The following UBE2D3 variants were observed in gnomAD, a reference collection of about 807,000 sequenced individuals.
The protein encoded by UBE2D3 is ubiquitin-conjugating enzyme E2 D3.
UBE2D3 carries 2 observed loss-of-function variants against 22.8 expected under a neutral mutation model. The observed-to-expected ratio is 0.09, with a 90% CI of 0.04 to 0.28. The LOEUF is 0.28. Among genes scored for constraint, UBE2D3 ranks in the 10% least tolerant of loss-of-function variants. The probability of loss-of-function intolerance (pLI) is 1.00; values close to 1 mark genes in which losing one functional copy is unlikely to be tolerated. For missense variants in UBE2D3, 27 were observed against 182.5 expected, an observed-to-expected ratio of 0.15 and a Z score of 4.91; for synonymous variants, 56 against 60.4, an observed-to-expected ratio of 0.93 and a Z score of 0.34.
intron 1 of UBE2D3, among the ~76,000 whole-genome samples, chr4:102,849,178 G>T (rs995752923): frequency 1.3e-5 from 2 of 150,934 alleles, no homozygotes; most frequent in Non-Finnish European, 3.0e-5. Flanking sequence ...GACTAGCCGG[G>T]ACAACATGGC....
intron 2 of UBE2D3, among the ~76,000 whole-genome samples, chr4:102,822,413 G>C (rs553519281): frequency 6.6e-6 from 1 of 152,270 alleles, no homozygotes; most frequent in Admixed American, 6.5e-5. Flanking sequence ...TTCACTCTAA[G>C]ACATCCTAAG....
chr4:102,854,267 T>C (rs1259768150), intron 1 of UBE2D3, among the ~76,000 whole-genome samples: 1 of 152,188 alleles, frequency 6.6e-6, no homozygotes, highest in East Asian at 1.9e-4. Context: ...GACAAATGTG[T>C]ATATTTTTTA....
At chr4:102,860,037 C>T (rs1230534427) in intron 1 of UBE2D3, among the ~76,000 whole-genome samples, 9 of 152,010 alleles carry the variant, frequency 5.9e-5, no homozygotes, top group East Asian at 1.9e-4. Flanking sequence ...TTAGTAGAGA[C>T]GGCGTTTCAC....
chr4:102,826,707 A>C, intron 1 of UBE2D3, 71 bp from the exon 2 acceptor site: 3 of 1,444,588 alleles, frequency 2.1e-6, no homozygotes, highest in South Asian at 1.5e-5. Context: ...CAGGTCCCTT[A>C]AGACAGCCGC....
intron 2 of UBE2D3, among the ~76,000 whole-genome samples, chr4:102,814,705 A>T (rs2110296900): frequency 6.6e-6 from 1 of 152,192 alleles, no homozygotes; most frequent in Admixed American, 6.6e-5. Flanking sequence ...ACTGGTACTT[A>T]ACAAGCAGAC....
intron 2 of UBE2D3, among the ~76,000 whole-genome samples, chr4:102,824,078 C>T (rs1047266084): frequency 6.6e-6 from 1 of 152,150 alleles, no homozygotes; most frequent in African/African-American, 2.4e-5. Context: ...TGAAAGTTGC[C>T]TCATGTGATT....
At chr4:102,809,336 T>G (rs223418) in intron 4 of UBE2D3, 150,749 of 277,942 alleles carry the variant, frequency 0.54, 42,805 homozygotes, top group African/African-American at 0.78. Flanking sequence ...ACGCATGGCA[T>G]ATCAGAGCCA....
intron 1 of UBE2D3, among the ~76,000 whole-genome samples, chr4:102,856,469 T>C (rs960371865): frequency 1.3e-5 from 2 of 152,254 alleles, no homozygotes; most frequent in African/African-American, 4.8e-5. Flanking sequence ...TTAATATTTT[T>C]GTGCAGTTAA....
At chr4:102,838,797 CTG>C (rs1283823280) in intron 1 of UBE2D3, among the ~76,000 whole-genome samples, 1 of 76,742 alleles carries the variant, frequency 1.3e-5, no homozygotes, top group Non-Finnish European at 2.5e-5. Context: ...CTAAACAAAA[CTG>C]TGCTGGGCAA....
chr4:102,859,227 T>G (rs553412153), intron 1 of UBE2D3, among the ~76,000 whole-genome samples: 7 of 152,006 alleles, frequency 4.6e-5, no homozygotes, highest in African/African-American at 1.4e-4. Context: ...ATTTTGAGTA[T>G]ATCATCCCAT....
chr4:102,825,575 A>C, intron 2 of UBE2D3: 1 of 1,200,664 alleles, frequency 8.3e-7, no homozygotes, highest in East Asian at 6.0e-5. Flanking sequence ...AATGAGACTA[A>C]ACCACCGGAG....
chr4:102,809,533 C>T, intron 4 of UBE2D3, 139 bp downstream of exon 4: 1 of 907,744 alleles, frequency 1.1e-6, no homozygotes, highest in Non-Finnish European at 1.7e-6. Context: ...TTTTTTCTTT[C>T]AAATGCAGTA....
At chr4:102,859,574 G>T (rs981334067) in intron 1 of UBE2D3, among the ~76,000 whole-genome samples, 1 of 151,876 alleles carries the variant, frequency 6.6e-6, no homozygotes, top group Non-Finnish European at 1.5e-5. Context: ...TTCCTCCCCA[G>T]ATTTGGGCAG....
At chr4:102,819,286 C>T (rs906529015) in intron 2 of UBE2D3, among the ~76,000 whole-genome samples, 22 of 150,278 alleles carry the variant, frequency 1.5e-4, no homozygotes, top group African/African-American at 5.2e-4. Context: ...GCCGCAGTTG[C>T]GCCACTGCAC....
intron 2 of UBE2D3, chr4:102,812,643 C>G (rs1186186306): frequency 6.6e-6 from 1 of 152,184 alleles, no homozygotes; most frequent in Non-Finnish European, 1.5e-5. Flanking sequence ...TGTAACTGTG[C>G]TTTAAATATT....
At chr4:102,831,295 T>A (rs1731103327), upstream of UBE2D3, among the ~76,000 whole-genome samples, 2 of 152,216 alleles carry the variant, frequency 1.3e-5, no homozygotes, top group Admixed American at 1.3e-4. Context: ...ACTTAACAAT[T>A]CAGAATCTCA....
chr4:102,837,102 T>C (rs76927581), intron 1 of UBE2D3: 2 of 152,344 alleles, frequency 1.3e-5, no homozygotes, highest in Non-Finnish European at 2.9e-5. Flanking sequence ...TCACACTATG[T>C]CTATTTTTTA....
chr4:102,830,751 A>G (rs533929285), upstream of UBE2D3, among the ~76,000 whole-genome samples: 4 of 152,336 alleles, frequency 2.6e-5, no homozygotes, highest in African/African-American at 9.6e-5. Flanking sequence ...CTATGGTCCC[A>G]GCTACTTGGG....
In UBE2D3 at chr4:102,797,472, G is replaced by T. The variant is rs778787298; in HGVS notation, c.399-12C>A. ...ATATTCTGTTGTACCTGTAAATAAAGATGTTATTTTTAAAAGTTAAAATAA... is the reference window on the plus strand; with the variant it reads ...ATATTCTGTTGTACCTGTAAATAAATATGTTATTTTTAAAAGTTAAAATAA... On this transcript the variant is annotated splice_polypyrimidine_tract_variant and intron_variant, in intron 7 of 7. Coordinates refer to ENST00000453744, the MANE Select transcript of UBE2D3 (RefSeq NM_181891.3). 1 of 1,589,528 alleles carries T rather than the reference G, an allele frequency of 6.3e-7. No individual in the cohort carries two copies. Among genetic ancestry groups the T allele is most frequent in the Admixed American group, 1.8e-5 (1 of 56,598 alleles).
Sources: gnomAD v4.1 joint callset for allele counts (sites outside exome capture counted in the v4.1 genomes callset) on GRCh38, gnomAD v4.1.1 for gene constraint, MANE v1.5 for transcripts, NCBI Gene and HGNC (gene_info 2026-07-23, HGNC 2026-07-21) for gene names.